Variants in MAPKAP1 observed in about 807,000 individuals in gnomAD.
The protein encoded by MAPKAP1 is target of rapamycin complex 2 subunit MAPKAP1.
Under a neutral mutation model 65.7 loss-of-function variants are expected in MAPKAP1, and 20 were observed. The observed-to-expected ratio is 0.30, with a 90% CI of 0.21 to 0.44. The LOEUF (loss-of-function observed/expected upper bound fraction) is 0.44, where lower values mean the gene tolerates loss of function less well. Among genes scored for constraint, MAPKAP1 ranks in the 20% least tolerant of loss-of-function variants. MAPKAP1 has a pLI of 1.00. For missense variants in MAPKAP1, 423 were observed against 648.0 expected, an observed-to-expected ratio of 0.65 and a Z score of 3.77; for synonymous variants, 222 against 244.3, an observed-to-expected ratio of 0.91 and a Z score of 0.85.
At chr9:125,526,545 C>T (rs558332558) in intron 7 of MAPKAP1, among the ~76,000 whole-genome samples, 5 of 152,082 alleles carry the variant, frequency 3.3e-5, no homozygotes, top group South Asian at 4.1e-4. Flanking sequence ...AGTTTGAAAA[C>T]GTTTATAAGA....
chr9:125,546,428 C>T (rs1277165730), intron 6 of MAPKAP1, among the ~76,000 whole-genome samples: 1 of 151,952 alleles, frequency 6.6e-6, no homozygotes, highest in Non-Finnish European at 1.5e-5. Flanking sequence ...TGAGTAATAC[C>T]CTCATATGTT....
At chr9:125,472,813 G>A (rs1303921460) in intron 9 of MAPKAP1, among the ~76,000 whole-genome samples, 1 of 152,186 alleles carries the variant, frequency 6.6e-6, no homozygotes, top group Admixed American at 6.5e-5. Flanking sequence ...TCAAAAGGAC[G>A]TGCTCCAAAA....
chr9:125,590,001 T>C (rs1831905578), intron 4 of MAPKAP1, among the ~76,000 whole-genome samples: 2 of 152,186 alleles, frequency 1.3e-5, no homozygotes, highest in South Asian at 4.1e-4. Flanking sequence ...ATGCAAACAG[T>C]GGGAATCTTT....
rs951312694 is a variant in MAPKAP1, at chr9:125,439,658, T to C, written c.1444-646A>G. Among the ~76,000 whole-genome samples, 43 of 152,388 alleles carry C rather than the reference T, an allele frequency of 2.8e-4. No individual in the cohort carries two copies. Among genetic ancestry groups the C allele is most frequent in the African/African-American group, 9.9e-4 (41 of 41,598 alleles). On this transcript the variant is annotated intron_variant, in intron 11 of 11. Coordinates refer to ENST00000265960, the MANE Select transcript of MAPKAP1 (RefSeq NM_001006617.3). The surrounding 1 kb of genome is among the most constrained non-coding windows in gnomAD (Gnocchi z 4.0). Reference sequence around the variant, plus strand: ...CTGTGTGAAGGGCGGGGCTGCCTCCTGGGCTCCTCTCAGGCCTTCTGCACG... The same window carrying C: ...CTGTGTGAAGGGCGGGGCTGCCTCCCGGGCTCCTCTCAGGCCTTCTGCACG...
chr9:125,463,207 A>G (rs1344330218), intron 10 of MAPKAP1, among the ~76,000 whole-genome samples: 1 of 152,256 alleles, frequency 6.6e-6, no homozygotes, highest in Non-Finnish European at 1.5e-5. Context: ...GCAACAATGG[A>G]ACGGGAAGGC....
chr9:125,615,687 T>G (rs1402061378), intron 4 of MAPKAP1, among the ~76,000 whole-genome samples: 1 of 151,260 alleles, frequency 6.6e-6, no homozygotes, highest in Non-Finnish European at 1.5e-5. Flanking sequence ...CCAAGGTGAG[T>G]GGATAACTTG....
intron 4 of MAPKAP1, among the ~76,000 whole-genome samples, chr9:125,643,569 T>C (rs1049787033): frequency 6.6e-6 from 1 of 152,204 alleles, no homozygotes; most frequent in Non-Finnish European, 1.5e-5. Flanking sequence ...GACATAGATG[T>C]CATTGTTTCA....
chr9:125,468,522 C>A (rs1452251589), intron 9 of MAPKAP1, among the ~76,000 whole-genome samples: 2 of 152,208 alleles, frequency 1.3e-5, no homozygotes, highest in Non-Finnish European at 2.9e-5. Context: ...TTAAGAAGAT[C>A]TGGGGTGGAC....
In MAPKAP1 at chr9:125,484,599, C is replaced by A. The variant is rs777941738; in HGVS notation, c.1067-16G>T. 1.3e-6 allele frequency: 2 copies of A among 1,599,418 alleles called. No homozygotes were observed. Among genetic ancestry groups the A allele is most frequent in the Non-Finnish European group, 1.7e-6 (2 of 1,172,794 alleles). ...GCCCTTGAACCTGGGGAGGAAAAGG[C>A]AGTTTAACACATAAAGATACATGAG... On this transcript the variant is annotated splice_polypyrimidine_tract_variant and intron_variant, in intron 8 of 11. Coordinates refer to ENST00000265960, the MANE Select transcript of MAPKAP1 (RefSeq NM_001006617.3).
chr9:125,512,650 C>T (rs1829335622), intron 7 of MAPKAP1, among the ~76,000 whole-genome samples: 2 of 148,472 alleles, frequency 1.3e-5, no homozygotes, highest in Admixed American at 6.7e-5. Context: ...GGCGCAATCT[C>T]GGCTCACTGC....
chr9:125,661,955 T>G (rs1043133876), intron 3 of MAPKAP1, among the ~76,000 whole-genome samples: 3 of 151,980 alleles, frequency 2.0e-5, no homozygotes, highest in Admixed American at 6.6e-5. Flanking sequence ...AGCTATAGAT[T>G]AAAAAATGAG....
At chr9:125,661,167 C>T (rs1418430085) in intron 3 of MAPKAP1, among the ~76,000 whole-genome samples, 1 of 152,200 alleles carries the variant, frequency 6.6e-6, no homozygotes, top group African/African-American at 2.4e-5. Context: ...AACTACATTT[C>T]ATCAGATTGG....
chr9:125,531,243 C>A (rs533332535), intron 7 of MAPKAP1, among the ~76,000 whole-genome samples: 1 of 152,354 alleles, frequency 6.6e-6, no homozygotes, highest in South Asian at 2.1e-4. Flanking sequence ...CAGTGTCTAG[C>A]AGTACAACCT....
At chr9:125,686,906 A>T (rs1834998666) in intron 1 of MAPKAP1, among the ~76,000 whole-genome samples, 1 of 151,694 alleles carries the variant, frequency 6.6e-6, no homozygotes, top group South Asian at 2.1e-4. Context: ...AGCTCACTGC[A>T]ACCTCTGCCT....
intron 7 of MAPKAP1, among the ~76,000 whole-genome samples, chr9:125,535,684 G>C (rs1589265836): frequency 6.6e-6 from 1 of 152,194 alleles, no homozygotes; most frequent in African/African-American, 2.4e-5. Flanking sequence ...TTAATTCTGA[G>C]ATAGATTTTC....
At chr9:125,582,003 T>C (rs989604922) in intron 5 of MAPKAP1, among the ~76,000 whole-genome samples, 3 of 152,176 alleles carry the variant, frequency 2.0e-5, no homozygotes, top group Non-Finnish European at 4.4e-5. Context: ...GTGGGAGCCT[T>C]TGAATCTTTC....
chr9:125,625,277 AAAAC>A (rs1833083391), intron 4 of MAPKAP1, among the ~76,000 whole-genome samples: 7 of 149,244 alleles, frequency 4.7e-5, no homozygotes, highest in Admixed American at 1.3e-4. Flanking sequence ...AAAAAAAAAA[AAAAC>A]AAGGGAGAGA....
At chr9:125,678,099 G>T (rs143932208) in intron 1 of MAPKAP1, among the ~76,000 whole-genome samples, 5,752 of 151,790 alleles carry the variant, frequency 0.038, 381 homozygotes, top group African/African-American at 0.13. Context: ...TGTATTTTTT[G>T]TAGAGATGGG....
intron 8 of MAPKAP1, among the ~76,000 whole-genome samples, chr9:125,500,973 T>A (rs1828960884): frequency 6.6e-6 from 1 of 152,180 alleles, no homozygotes; most frequent in African/African-American, 2.4e-5. Flanking sequence ...GCAAGTCACA[T>A]AGGAGTGTAT....
Sources: gnomAD v4.1 joint callset for allele counts (sites outside exome capture counted in the v4.1 genomes callset) on GRCh38, gnomAD v4.1.1 for gene constraint, Gnocchi (gnomAD v3.1) non-coding constraint, MANE v1.5 for transcripts, NCBI Gene and HGNC (gene_info 2026-07-23, HGNC 2026-07-21) for gene names.